Variants in APOBEC3C observed in about 807,000 individuals in gnomAD.
APOBEC3C encodes the protein DNA dC->dU-editing enzyme APOBEC-3C.
Under a neutral mutation model 20.6 loss-of-function variants are expected in APOBEC3C, and 14 were observed. The ratio of observed to expected loss-of-function variants is 0.68; its 90% CI spans 0.45 to 1.06. APOBEC3C has a LOEUF of 1.06. Among genes scored for constraint, APOBEC3C ranks in the 50% least tolerant of loss-of-function variants. The pLI is 0.00. For missense variants in APOBEC3C, 244 were observed against 241.9 expected (o/e 1.01, Z -0.06); for synonymous variants, 98 against 88.8 (o/e 1.10, Z -0.58).
In APOBEC3C at chr22:39,018,940, A is replaced by G. The variant is rs1489589133; in HGVS notation, c.*553A>G. ...CCGAGAGGTGGAGGCTGGAGTGAAC[A>G]GAGATCGCGCCACTGAACTCGGGTC... On this transcript the variant is annotated 3_prime_UTR_variant, in exon 4 of 4. Coordinates refer to ENST00000361441, the MANE Select transcript of APOBEC3C (RefSeq NM_014508.3). The G allele has an allele frequency of 6.5e-6, 1 of 152,676 alleles. No individual in the cohort carries two copies. The highest frequency in any genetic ancestry group is 2.4e-5 in the African/African-American group (1 of 41,386). The allele number at this position is 152,676 out of a possible 1,614,324, so 9.5% of individuals were successfully genotyped here.
At position 39,020,107 on chromosome 22, in the gene APOBEC3C, T is replaced by C. The variant is rs1569052124; in HGVS notation, c.*1720T>C. 1.3e-5 allele frequency: 2 copies of C among 152,214 alleles called. No homozygotes were observed. Among genetic ancestry groups the C allele is most frequent in the Non-Finnish European group, 2.9e-5 (2 of 68,058 alleles). The allele number at this position is 152,214 out of a possible 1,614,324, so 9.4% of individuals were successfully genotyped here. A position where few individuals can be genotyped will look rare whatever the true frequency, so the allele number is the denominator to read the frequency against. ...CACTATGCCCGGCTGGGATCATATG[T>C]TCCACACATGTTTGTTCAATAAGCA... is the stretch of plus-strand genomic sequence containing the variant. On this transcript the variant is annotated 3_prime_UTR_variant, in exon 4 of 4. Coordinates refer to ENST00000361441, the MANE Select transcript of APOBEC3C (RefSeq NM_014508.3).
At chr22:39,018,159 CCA>C (rs1924870058) in intron 3 of APOBEC3C, 108 bp from the exon 4 acceptor site, 55 of 1,572,122 alleles carry the variant, frequency 3.5e-5, no homozygotes, top group Non-Finnish European at 4.5e-5. Flanking sequence ...GGGGACCGGG[CCA>C]GCGCCCACTG....
At chr22:39,015,855 A>C in intron 2 of APOBEC3C, 104 bp downstream of exon 2, 1 of 1,119,674 alleles carries the variant, frequency 8.9e-7, no homozygotes. Context: ...TCCTGTGTGC[A>C]CTTTCCTGCC....
intron 2 of APOBEC3C, among the ~76,000 whole-genome samples, chr22:39,016,231 G>C (rs990768997): frequency 8.2e-5 from 6 of 73,058 alleles, no homozygotes; most frequent in Admixed American, 4.7e-4. Context: ...ACGGAGTCTT[G>C]CTCTATCGCC....
intron 3 of APOBEC3C, 108 bp from the exon 4 acceptor site, chr22:39,018,161 A>C (rs4820361): frequency 6.4e-7 from 1 of 1,571,036 alleles, no homozygotes; most frequent in Admixed American, 1.8e-5. Flanking sequence ...GGACCGGGCC[A>C]GCGCCCACTG....
chr22:39,016,190 A>ATTATTTATTTATTTATTTATTTAT (rs3043484), intron 2 of APOBEC3C, among the ~76,000 whole-genome samples: 2,807 of 141,468 alleles, frequency 0.02, 146 homozygotes, highest in African/African-American at 0.07. Context: ...TCCTCCCCAC[A>ATTATTTATTTATTTATTTATTTAT]TTATTTATTT....
Position 39,018,169 on chromosome 22 carries a change from C to G in APOBEC3C, c.455-100C>G. ...TCTGTGGGGACCGGGCCAGCGCCCA[C>G]TGCAACTGGCAGCCTGGATACCTGG... On this transcript the variant is annotated intron_variant, in intron 3 of 3. Transcript: ENST00000361441. The G allele has an allele frequency of 1.9e-6, 3 of 1,568,352 alleles. No homozygotes were observed. In the South Asian group the frequency reaches 3.6e-5, roughly 19 times the overall value.
At chr22:39,016,257 T>C (rs1924780504) in intron 2 of APOBEC3C, among the ~76,000 whole-genome samples, 1 of 150,334 alleles carries the variant, frequency 6.7e-6, no homozygotes, top group Non-Finnish European at 1.5e-5. Flanking sequence ...TGGAGTGCAG[T>C]GGCACAATCT....
In APOBEC3C at chr22:39,018,390, G is replaced by T. The variant is rs779252611; in HGVS notation, c.*3G>T. 4.3e-6 allele frequency: 7 copies of T among 1,612,586 alleles called. No homozygotes were observed. Among genetic ancestry groups the T allele is most frequent in the Non-Finnish European group, 5.9e-6 (7 of 1,179,050 alleles). ...GGCTACGGGAGAGTCTCCAGTGAGGGGTCTCCCTGGGCCTCATGGTCTGTC... is the reference window on the plus strand; with the variant it reads ...GGCTACGGGAGAGTCTCCAGTGAGGTGTCTCCCTGGGCCTCATGGTCTGTC... On this transcript the variant is annotated 3_prime_UTR_variant, in exon 4 of 4. Transcript: ENST00000361441.
At chr22:39,015,292 T>C (rs1924738884) in intron 1 of APOBEC3C, among the ~76,000 whole-genome samples, 1 of 145,838 alleles carries the variant, frequency 6.9e-6, no homozygotes, top group Non-Finnish European at 1.5e-5. Flanking sequence ...GATGCCGTCT[T>C]TAAAAAAAAA....
intron 3 of APOBEC3C, 23 bp downstream of exon 3, chr22:39,018,068 G>T (rs1297931786): frequency 6.2e-7 from 1 of 1,612,196 alleles, no homozygotes; most frequent in African/African-American, 1.3e-5. Flanking sequence ...GGGCTGAGGA[G>T]AGTGGGTGCA....
chr22:39,018,441 A>T lies in APOBEC3C; in HGVS notation c.*54A>T. ...TCCTCTAGCCTCCTGCTCATGCTGC[A>T]CGGGCCTCCCCTCCACCCTGGACCC... On this transcript the variant is annotated 3_prime_UTR_variant, in exon 4 of 4. Coordinates refer to ENST00000361441, the MANE Select transcript of APOBEC3C (RefSeq NM_014508.3). The T allele has an allele frequency of 1.3e-6, 2 of 1,585,368 alleles. No individual in the cohort carries two copies. The highest frequency in any genetic ancestry group is 1.7e-6 in the Non-Finnish European group (2 of 1,161,858).
chr22:39,016,487 G>C (rs1035624767), intron 2 of APOBEC3C, among the ~76,000 whole-genome samples: 1 of 151,108 alleles, frequency 6.6e-6, no homozygotes, highest in Non-Finnish European at 1.5e-5. Context: ...AAAGTGCTGG[G>C]ATTACAGGCA....
At position 39,019,798 on chromosome 22, in the gene APOBEC3C, C is replaced by CTTTTTTTTTTTTTTTTTTTTT. The variant is rs61235720; in HGVS notation, c.*1415_*1435dup. On this transcript the variant is annotated 3_prime_UTR_variant, in exon 4 of 4. Transcript: ENST00000361441. ...GGATCTCTCTGCCTCCAAATATCAT[C>CTTTTTTTTTTTTTTTTTTTTT]TTTTTTTTTTTTTTTTTTTTTTTTG... 1.2e-5 allele frequency: 1 copy of CTTTTTTTTTTTTTTTTTTTTT among 81,268 alleles called. No individual in the cohort carries two copies. Among genetic ancestry groups the CTTTTTTTTTTTTTTTTTTTTT allele is most frequent in the Non-Finnish European group, 2.2e-5 (1 of 46,362 alleles). The allele number at this position is 81,268 out of a possible 1,614,324, so 5.0% of individuals were successfully genotyped here.
intron 1 of APOBEC3C, among the ~76,000 whole-genome samples, chr22:39,015,025 C>T (rs1045302275): frequency 1.3e-5 from 2 of 152,016 alleles, no homozygotes; most frequent in African/African-American, 2.4e-5. Flanking sequence ...AGGCCAGGCA[C>T]GGTGGCTTAT....
intron 1 of APOBEC3C, 40 bp from the exon 2 acceptor site, chr22:39,015,555 C>A: frequency 1.2e-6 from 2 of 1,602,078 alleles, no homozygotes; most frequent in Middle Eastern, 1.7e-4. Context: ...GACTCCGGTG[C>A]GGGGGTCTCT....
rs774779517 is a variant in APOBEC3C, at chr22:39,019,291, C to T, written c.*904C>T. On this transcript the variant is annotated 3_prime_UTR_variant, in exon 4 of 4. Transcript: ENST00000361441. ...TAAGTCTTGGACTCCTTGCTCCAAACGCAGCGACTCAGCAATAGAACCTCC... is the reference window on the plus strand; with the variant it reads ...TAAGTCTTGGACTCCTTGCTCCAAATGCAGCGACTCAGCAATAGAACCTCC... 5.3e-5 allele frequency: 8 copies of T among 152,220 alleles called. No individual in the cohort carries two copies. The highest frequency in any genetic ancestry group is 1.7e-4 in the African/African-American group (7 of 41,444). 9.4% of individuals were successfully genotyped at this position (152,220 alleles called of 1,614,324 possible).
rs1569048507 is a variant in APOBEC3C at position 39,014,398 on chromosome 22, TCCGCCAGGCCCCTCCTGCCACTTC to T, written c.17+21_17+44del. On this transcript the variant is annotated intron_variant, in intron 1 of 3. Transcript: ENST00000361441. ...AGATCAGGTACCTCTGCACGCTTTG[TCCGCCAGGCCCCTCCTGCCACTTC>T]CTGCCAGGCGGTCCTGCTGGGCCTC... 1 of 1,613,888 alleles carries T rather than the reference TCCGCCAGGCCCCTCCTGCCACTTC, an allele frequency of 6.2e-7. No individual in the cohort carries two copies. The highest frequency in any genetic ancestry group is 8.5e-7 in the Non-Finnish European group (1 of 1,179,980).
Position 39,017,103 on chromosome 22 carries a change from A to C in APOBEC3C, c.175-663A>C, listed in dbSNP as rs566837779. On this transcript the variant is annotated intron_variant, in intron 2 of 3. Transcript: ENST00000361441. ...AAAGATTAGCCAGGTGTGGGGGTGC[A>C]TGCCTGTAGTCCCAGCTACTCAGGA... 3.5e-4 allele frequency among the ~76,000 whole-genome samples: 53 copies of C among 152,136 alleles called. No homozygotes were observed. The South Asian group carries it at 8.5e-3, about 24-fold the overall frequency.
Sources: allele counts gnomAD v4.1 joint callset (sites outside exome capture counted in the v4.1 genomes callset), GRCh38; gene constraint gnomAD v4.1.1; transcripts MANE v1.5; gene names NCBI Gene and HGNC (gene_info 2026-07-23, HGNC 2026-07-21).